PALLD: variants seen among roughly 807,000 people sequenced by gnomAD.
PALLD encodes palladin.
In PALLD, 61 loss-of-function variants were observed where a neutral mutation model predicts 123.5. The ratio of observed to expected loss-of-function variants is 0.49; its 90% confidence interval spans 0.40 to 0.61. PALLD has a LOEUF of 0.61. Ranked by LOEUF, PALLD falls within the 20% of genes least tolerant of loss-of-function variation. PALLD has a pLI of 0.00. For synonymous variants in PALLD, 465 were observed against 496.4 expected (o/e 0.94, Z 0.84); for missense variants, 1,273 against 1,377.0 (o/e 0.92, Z 1.20).
intron 3 of PALLD, among the ~76,000 whole-genome samples, chr4:168,673,806 C>T (rs572345569): frequency 4.6e-5 from 7 of 152,092 alleles, no homozygotes; most frequent in Admixed American, 2.0e-4. Context: ...GTGAGGACAA[C>T]GGTGCCAATC....
At chr4:168,878,633 C>G (rs997872113) in intron 10 of PALLD, among the ~76,000 whole-genome samples, 4 of 149,820 alleles carry the variant, frequency 2.7e-5, no homozygotes, top group Non-Finnish European at 5.9e-5. Context: ...ATATGAGATT[C>G]TCATCAGGAA....
intron 2 of PALLD, among the ~76,000 whole-genome samples, chr4:168,567,158 C>G (rs1388372972): frequency 6.6e-6 from 1 of 151,942 alleles, no homozygotes; most frequent in East Asian, 1.9e-4. Context: ...TTTATAAAAA[C>G]AAAAATAGAC....
intron 10 of PALLD, among the ~76,000 whole-genome samples, chr4:168,775,458 A>T (rs756612552): frequency 2.3e-4 from 35 of 152,172 alleles, no homozygotes; most frequent in Admixed American, 3.9e-4. Context: ...TCTTTATCAG[A>T]CATGTGCTTT....
At chr4:168,508,245 C>T (rs928928381) in intron 1 of PALLD, among the ~76,000 whole-genome samples, 1 of 151,968 alleles carries the variant, frequency 6.6e-6, no homozygotes, top group African/African-American at 2.4e-5. Flanking sequence ...TCACTAGGTA[C>T]CCCATAATTA....
At chr4:168,596,390 A>C (rs908547212) in intron 2 of PALLD, among the ~76,000 whole-genome samples, 1 of 152,178 alleles carries the variant, frequency 6.6e-6, no homozygotes, top group African/African-American at 2.4e-5. Context: ...TAAAGGACAG[A>C]AGTAGCTTGC....
At chr4:168,579,139 T>G (rs1322648747) in intron 2 of PALLD, among the ~76,000 whole-genome samples, 1 of 152,162 alleles carries the variant, frequency 6.6e-6, no homozygotes, top group Non-Finnish European at 1.5e-5. Context: ...CCCTAGAAAG[T>G]CCTAGTAAAT....
chr4:168,681,105 G>T (rs112326324), intron 3 of PALLD, among the ~76,000 whole-genome samples: 4 of 152,286 alleles, frequency 2.6e-5, no homozygotes, highest in South Asian at 2.1e-4. Flanking sequence ...GTCATTAAAA[G>T]TATATTGCTT....
At chr4:168,780,048 G>A (rs939033765) in intron 10 of PALLD, among the ~76,000 whole-genome samples, 3 of 151,922 alleles carry the variant, frequency 2.0e-5, no homozygotes, top group African/African-American at 7.3e-5. Flanking sequence ...ACAGGTGTGT[G>A]CCACCATGCC....
chr4:168,811,096 G>A (rs1741048565), intron 10 of PALLD, among the ~76,000 whole-genome samples: 1 of 152,226 alleles, frequency 6.6e-6, no homozygotes. Context: ...GGAGAGAACA[G>A]CAGCATTTAT....
chr4:168,575,281 G>T (rs1769435233), intron 2 of PALLD, among the ~76,000 whole-genome samples: 1 of 152,086 alleles, frequency 6.6e-6, no homozygotes, highest in African/African-American at 2.4e-5. Context: ...AGGTTTAATT[G>T]ACTCACAGTT....
chr4:168,854,597 T>C (rs563179582), intron 10 of PALLD, among the ~76,000 whole-genome samples: 1 of 152,254 alleles, frequency 6.6e-6, no homozygotes, highest in South Asian at 2.1e-4. Flanking sequence ...GTGCCGCCGC[T>C]CCTGCTGTCC....
chr4:168,908,970 G>A (rs1414126093), intron 15 of PALLD, among the ~76,000 whole-genome samples: 1 of 152,092 alleles, frequency 6.6e-6, no homozygotes, highest in Admixed American at 6.5e-5. Flanking sequence ...ATTCTACTTG[G>A]GATAGAACAC....
intron 10 of PALLD, among the ~76,000 whole-genome samples, chr4:168,735,948 A>G (rs1368555004): frequency 2.6e-5 from 4 of 152,190 alleles, no homozygotes; most frequent in African/African-American, 9.7e-5. Flanking sequence ...TGGGCACTTG[A>G]CTAACATTCC....
At chr4:168,673,603 C>G (rs2710827) in intron 3 of PALLD, among the ~76,000 whole-genome samples, 1 of 152,068 alleles carries the variant, frequency 6.6e-6, no homozygotes, top group East Asian at 1.9e-4. Flanking sequence ...AACTGACTCT[C>G]TGGTTGGTAG....
intron 8 of PALLD, among the ~76,000 whole-genome samples, chr4:168,702,911 A>T (rs1297037179): frequency 3.4e-5 from 5 of 147,858 alleles, no homozygotes; most frequent in South Asian, 2.1e-4. Context: ...TTATTTATTT[A>T]TTTTTTATTA....
intron 10 of PALLD, among the ~76,000 whole-genome samples, chr4:168,890,088 G>A (rs561206787): frequency 6.6e-6 from 1 of 152,220 alleles, no homozygotes; most frequent in East Asian, 1.9e-4. Flanking sequence ...TGCCCTATGA[G>A]GGAAGAGGAA....
intron 10 of PALLD, among the ~76,000 whole-genome samples, chr4:168,754,442 A>G (rs755553193): frequency 6.6e-6 from 1 of 152,204 alleles, no homozygotes; most frequent in Non-Finnish European, 1.5e-5. Flanking sequence ...TATACAGTAA[A>G]ATTGCTGTTG....
intron 10 of PALLD, among the ~76,000 whole-genome samples, chr4:168,807,526 C>T (rs544377407): frequency 1.3e-5 from 2 of 152,180 alleles, no homozygotes; most frequent in South Asian, 2.1e-4. Context: ...TCTACTGCCT[C>T]GGCCTCCTGA....
chr4:168,769,182 C>T (rs1734080382), intron 10 of PALLD, among the ~76,000 whole-genome samples: 3 of 152,080 alleles, frequency 2.0e-5, no homozygotes, highest in Non-Finnish European at 4.4e-5. Flanking sequence ...TCATTGTATC[C>T]CAGTCAAATA....
Sources: allele counts gnomAD v4.1 joint callset (sites outside exome capture counted in the v4.1 genomes callset), GRCh38; gene constraint gnomAD v4.1.1; transcripts MANE v1.5; gene names NCBI Gene and HGNC (gene_info 2026-07-23, HGNC 2026-07-21).